The following WDR62 variants were observed in gnomAD, a reference collection of about 807,000 sequenced individuals.
WDR62 encodes the protein WD repeat-containing protein 62.
In WDR62, 112 loss-of-function variants were observed where a neutral mutation model predicts 160.6. The observed-to-expected ratio is 0.70, with a 90% CI of 0.60 to 0.82. WDR62 has a LOEUF of 0.82. Among genes scored for constraint, WDR62 ranks in the 40% least tolerant of loss-of-function variants. The probability of loss-of-function intolerance (pLI) is 0.00; values close to 1 mark genes in which losing one functional copy is unlikely to be tolerated. For synonymous variants in WDR62, 792 were observed against 815.1 expected (o/e 0.97, Z 0.48); for missense variants, 1,819 against 1,983.8 (o/e 0.92, Z 1.58).
At chr19:36,083,520 G>C (rs1972029056) in intron 11 of WDR62, among the ~76,000 whole-genome samples, 1 of 152,206 alleles carries the variant, frequency 6.6e-6, no homozygotes, top group Non-Finnish European at 1.5e-5. Flanking sequence ...AGGGCAGCGT[G>C]ACACTTTCAC....
chr19:36,072,669 G>C (rs1264993807), intron 8 of WDR62, among the ~76,000 whole-genome samples: 3 of 152,244 alleles, frequency 2.0e-5, no homozygotes, highest in South Asian at 2.1e-4. Flanking sequence ...GGCCTGAACA[G>C]GGGAACTGGG....
chr19:36,105,802 G>A (rs1048739409), downstream of WDR62, among the ~76,000 whole-genome samples: 12 of 152,034 alleles, frequency 7.9e-5, no homozygotes, highest in African/African-American at 1.9e-4. Context: ...GGGTTCAAGC[G>A]ATTCTCCTGC....
rs1203291886 is a variant in WDR62, at chr19:36,091,315, G to A, written c.2146+4G>A. On this transcript the variant is annotated splice_donor_region_variant and intron_variant, in intron 17 of 31. Coordinates refer to ENST00000401500, the MANE Select transcript of WDR62 (RefSeq NM_001083961.2). The stretch of plus-strand genomic sequence containing the variant: ...GCCAAGATGTTTGGCCATTCAGGTG[G>A]GTGTGCCTCTCTGCTTGGGATGCCT... 4 of 1,613,970 alleles carry A rather than the reference G, an allele frequency of 2.5e-6. No individual in the cohort carries two copies. Among genetic ancestry groups the A allele is most frequent in the Non-Finnish European group, 3.4e-6 (4 of 1,179,962 alleles).
chr19:36,092,870 G>A, intron 19 of WDR62, 59 bp downstream of exon 19: 1 of 1,611,836 alleles, frequency 6.2e-7, no homozygotes, highest in Non-Finnish European at 8.5e-7. Flanking sequence ...GCCCCATGGA[G>A]TGATGCTGGG....
Position 36,071,569 on chromosome 19 carries a change from C to G in WDR62, c.896C>G (p.Ser299Cys). 6.2e-7 allele frequency: 1 copy of G among 1,614,260 alleles called. No homozygotes were observed. Among genetic ancestry groups the G allele is most frequent in the Non-Finnish European group, 8.5e-7 (1 of 1,180,052 alleles). Reference sequence around the variant, plus strand: ...TTGCCCCTACAGGTCTCCCTGTCTTCCTGCCTCTGTGTCAGCCAGGAGCTC... The same window carrying G: ...TTGCCCCTACAGGTCTCCCTGTCTTGCTGCCTCTGTGTCAGCCAGGAGCTC... ...KWINLKVSLSSCLCVSQELIF... is the reference protein window; with the variant it reads ...KWINLKVSLSCCLCVSQELIF... The change falls in exon 8 of 32, where the codon TCC becomes TGC. Residue 299 changes from serine (S) to cysteine (C), a missense_variant. Physicochemically the swap from Ser to Cys is moderately radical, Grantham distance 112. This residue lies in a region of WDR62 where 934 missense variants were observed against 1,157.2 expected (regional missense o/e 0.81). Coordinates refer to ENST00000401500, the MANE Select transcript of WDR62 (RefSeq NM_001083961.2).
At chr19:36,055,418 A>C (rs1257518575) in intron 1 of WDR62, among the ~76,000 whole-genome samples, 2 of 152,004 alleles carry the variant, frequency 1.3e-5, no homozygotes, top group Non-Finnish European at 2.9e-5. Flanking sequence ...TCTGTAAATC[A>C]CAGCCTAGTC....
In WDR62 at chr19:36,104,547, G is replaced by T; in HGVS notation, c.4183G>T (p.Ala1395Ser). Residue 1395 changes from alanine to serine, a missense_variant, in exon 31 of 32, where the codon GCC becomes TCC. Around this residue, in one of 3 missense-constraint regions of WDR62, gnomAD observed 770 missense variants for 734.2 expected, o/e 1.05. Coordinates refer to ENST00000401500, the MANE Select transcript of WDR62 (RefSeq NM_001083961.2). Reference sequence around the variant, plus strand: ...ACTTGGTCTGTTACAGGGCAGCCCTGCCCGCTGGAGTGAGCCCTGGGTGCC... The same window carrying T: ...ACTTGGTCTGTTACAGGGCAGCCCTTCCCGCTGGAGTGAGCCCTGGGTGCC... ...GALGLLQGSP[A>S]RWSEPWVPVE... The T allele has an allele frequency of 6.2e-7, 1 of 1,613,716 alleles. No homozygotes were observed. Among genetic ancestry groups the T allele is most frequent in the Non-Finnish European group, 8.5e-7 (1 of 1,179,832 alleles).
In WDR62 at chr19:36,060,577, G is replaced by A. The variant is rs79304635; in HGVS notation, c.332+547G>A. On this transcript the variant is annotated intron_variant, in intron 3 of 31. Coordinates refer to ENST00000401500, the MANE Select transcript of WDR62 (RefSeq NM_001083961.2). ...CTGGACCAGGCAGAAGCCACATCCC[G>A]TAGGCCTTGCAGCCTTGTAGAGGGT... The A allele has an allele frequency of 6.2e-3, 1,036 of 167,712 alleles. 16 individuals carry two copies. Among genetic ancestry groups the A allele is most frequent in the African/African-American group, 0.024 (992 of 42,038 alleles). The allele number at this position is 167,712 out of a possible 1,614,324, so 10.4% of individuals were successfully genotyped here.
chr19:36,100,602 C>T, intron 22 of WDR62, 146 bp from the exon 23 acceptor site: 1 of 1,239,414 alleles, frequency 8.1e-7, no homozygotes, highest in South Asian at 1.2e-5. Flanking sequence ...CAGGGGCAGA[C>T]CAGGACAAGC....
intron 8 of WDR62, among the ~76,000 whole-genome samples, chr19:36,072,450 C>G (rs573724949): frequency 7.2e-5 from 11 of 152,196 alleles, no homozygotes; most frequent in African/African-American, 2.6e-4. Flanking sequence ...GGGTTTCGGG[C>G]GTTGGGGTAA....
chr19:36,061,778 C>G (rs574618257), intron 3 of WDR62: 2 of 152,226 alleles, frequency 1.3e-5, no homozygotes, highest in East Asian at 1.9e-4. Flanking sequence ...GCCTCACCGC[C>G]CCCCCACCGC....
At chr19:36,084,117 C>T (rs1261105092) in intron 11 of WDR62, among the ~76,000 whole-genome samples, 1 of 152,034 alleles carries the variant, frequency 6.6e-6, no homozygotes, top group African/African-American at 2.4e-5. Flanking sequence ...CTCTCACTGA[C>T]CCCTGATGTA....
At chr19:36,079,346 T>G (rs1971761345) in intron 9 of WDR62, among the ~76,000 whole-genome samples, 1 of 152,256 alleles carries the variant, frequency 6.6e-6, no homozygotes, top group Non-Finnish European at 1.5e-5. Context: ...CCCAAAGTGC[T>G]GGGATTGCAG....
chr19:36,082,993 T>C, intron 10 of WDR62, 70 bp from the exon 11 acceptor site: 1 of 1,392,592 alleles, frequency 7.2e-7, no homozygotes, highest in South Asian at 1.2e-5. Flanking sequence ...AGAGACTGGC[T>C]ATGGAGGGAC....
intron 9 of WDR62, among the ~76,000 whole-genome samples, chr19:36,078,068 T>C (rs749982579): frequency 5.3e-5 from 8 of 152,352 alleles, no homozygotes; most frequent in South Asian, 2.1e-4. Flanking sequence ...TTCTCTGTTA[T>C]CAGTTGACGG....
intron 9 of WDR62, chr19:36,075,998 G>C (rs1303667451): frequency 6.6e-6 from 1 of 151,980 alleles, no homozygotes; most frequent in Non-Finnish European, 1.5e-5. Flanking sequence ...AAGGTAACTA[G>C]TTTTATTTAA....
At chr19:36,099,221 C>CAAAAAAAAA (rs71167592) in intron 21 of WDR62, among the ~76,000 whole-genome samples, 178 bp from the exon 22 acceptor site, 2 of 76,318 alleles carry the variant, frequency 2.6e-5, no homozygotes, top group African/African-American at 5.1e-5. Context: ...GACTTCGTCT[C>CAAAAAAAAA]AAAAAAAAAA....
chr19:36,103,290 C>T, intron 29 of WDR62, 53 bp from the exon 30 acceptor site: 3 of 1,612,296 alleles, frequency 1.9e-6, no homozygotes, highest in Non-Finnish European at 2.5e-6. Flanking sequence ...GGCGTGGGGG[C>T]CCTAGCCATC....
Position 36,093,117 on chromosome 19 carries a change from G to T in WDR62, c.2333+306G>T, listed in dbSNP as rs577683547. Among the ~76,000 whole-genome samples the T allele has an allele frequency of 1.6e-4, 24 of 152,356 alleles. No homozygotes were observed. In the South Asian group the frequency reaches 5.0e-3, roughly 32 times the overall value. On this transcript the variant is annotated intron_variant, in intron 19 of 31. Coordinates refer to ENST00000401500, the MANE Select transcript of WDR62 (RefSeq NM_001083961.2). ...CTCACAAAGTGCTGGGATCACAGGT[G>T]TGAGCCACTGCACCCGGCTATGAGA...
Sources: gnomAD v4.1 joint callset for allele counts (sites outside exome capture counted in the v4.1 genomes callset) on GRCh38, gnomAD v4.1.1 for gene constraint, gnomAD v4.1.1 regional missense constraint, MANE v1.5 for transcripts, NCBI Gene and HGNC (gene_info 2026-07-23, HGNC 2026-07-21) for gene names.